The following MAPK10 variants were observed in gnomAD, a reference collection of about 807,000 sequenced individuals.
The protein encoded by MAPK10 is mitogen-activated protein kinase 10, also known as JNK3 alpha protein kinase.
In MAPK10, 25 loss-of-function variants were observed where a neutral mutation model predicts 59.3. That is an observed-to-expected ratio of 0.42 (90% CI 0.31 to 0.59). MAPK10 has a LOEUF of 0.59. Ranked by LOEUF, MAPK10 falls within the 20% of genes least tolerant of loss-of-function variation. MAPK10 has a pLI of 0.15. For missense variants in MAPK10, 351 were observed against 568.9 expected (o/e 0.62, Z 3.90); for synonymous variants, 190 against 200.5 (o/e 0.95, Z 0.44).
At chr4:86,081,671 G>T (rs2050689326) in intron 9 of MAPK10, 1 of 151,954 alleles carries the variant, frequency 6.6e-6, no homozygotes, top group Admixed American at 6.6e-5. Context: ...ATATCCAAGG[G>T]ATTGGTAACA....
chr4:86,135,441 C>T (rs138451300), intron 4 of MAPK10, among the ~76,000 whole-genome samples: 9 of 152,242 alleles, frequency 5.9e-5, no homozygotes, highest in Non-Finnish European at 8.8e-5. Context: ...AAACCTCACA[C>T]GGCAGGGTAC....
chr4:86,072,787 C>T lies in MAPK10; in HGVS notation c.803-4832G>A, dbSNP rs1188916468. Among the ~76,000 whole-genome samples, 3 of 86,618 alleles carry T rather than the reference C, an allele frequency of 3.5e-5. 1 individual carries two copies. Among genetic ancestry groups the T allele is most frequent in the East Asian group, 5.1e-4 (2 of 3,912 alleles). 56.8% of individuals were successfully genotyped at this position (86,618 alleles called of 152,430 possible). On this transcript the variant is annotated intron_variant, in intron 9 of 13. Coordinates refer to ENST00000641462, the MANE Select transcript of MAPK10 (RefSeq NM_138982.4). Reference sequence around the variant, plus strand: ...AAGCTTTTTGATGTGCTGCTGGATTCGGTTTGCCAGTATTTTATTGAGGAT... The same window carrying T: ...AAGCTTTTTGATGTGCTGCTGGATTTGGTTTGCCAGTATTTTATTGAGGAT...
At chr4:86,475,502 G>GT (rs1172303473) in intron 1 of MAPK10, among the ~76,000 whole-genome samples, 1 of 151,538 alleles carries the variant, frequency 6.6e-6, no homozygotes, top group Non-Finnish European at 1.5e-5. Context: ...TCCTTTCCTC[G>GT]TAGAGACAGG....
chr4:86,366,424 TTAAC>T (rs1737909962), intron 1 of MAPK10, among the ~76,000 whole-genome samples: 1 of 152,174 alleles, frequency 6.6e-6, no homozygotes, highest in South Asian at 2.1e-4. Flanking sequence ...TAAAAAATGT[TTAAC>T]TAAATTTCCT....
intron 2 of MAPK10, among the ~76,000 whole-genome samples, chr4:86,323,641 C>T (rs900170011): frequency 3.9e-5 from 6 of 152,114 alleles, no homozygotes; most frequent in African/African-American, 1.4e-4. Context: ...ACTAAAGATA[C>T]ACAAAGTTCC....
At position 86,551,159 on chromosome 4, in the gene MAPK10, T is replaced by C. The variant is rs190978890; in HGVS notation, c.-263+42751A>G. Among the ~76,000 whole-genome samples the C allele has an allele frequency of 4.8e-4, 73 of 152,336 alleles. No homozygotes were observed. In the South Asian group the frequency reaches 7.5e-3, roughly 16 times the overall value. ...CTTCTAATATTTATAGTAAAAAGGA[T>C]GGGTAGTTAACCAAACTGCATATGT... On this transcript the variant is annotated intron_variant, in intron 1 of 4. Coordinates refer to the MAPK10 transcript ENST00000502302.
intron 1 of MAPK10, among the ~76,000 whole-genome samples, chr4:86,481,429 GA>G (rs201596678): frequency 0.32 from 42,576 of 133,000 alleles, 6,648 homozygotes; most frequent in Admixed American, 0.39. Context: ...GAAAGTGGAG[GA>G]AAAAAAAAAA....
chr4:86,168,790 G>C (rs2149252610), intron 3 of MAPK10, among the ~76,000 whole-genome samples: 1 of 152,288 alleles, frequency 6.6e-6, no homozygotes, highest in African/African-American at 2.4e-5. Flanking sequence ...TGACCCCCGA[G>C]CAGCCCAACT....
chr4:86,578,750 G>A (rs935208496), intron 1 of MAPK10, among the ~76,000 whole-genome samples: 2 of 151,628 alleles, frequency 1.3e-5, no homozygotes, highest in African/African-American at 4.9e-5. Flanking sequence ...ATGAAAAGAG[G>A]GAAAAAGTTT....
At chr4:86,559,888 G>A (rs531128477) in intron 1 of MAPK10, among the ~76,000 whole-genome samples, 193 of 149,924 alleles carry the variant, frequency 1.3e-3, no homozygotes, top group African/African-American at 4.7e-3. Flanking sequence ...GCAGTGAGCC[G>A]AGATTGCAAC....
At chr4:86,135,098 G>C (rs574583890) in intron 4 of MAPK10, among the ~76,000 whole-genome samples, 4 of 152,300 alleles carry the variant, frequency 2.6e-5, no homozygotes, top group Non-Finnish European at 5.9e-5. Flanking sequence ...AGGCAGCAGC[G>C]AGGCTGGGGG....
chr4:86,298,994 T>C (rs1468412038), intron 2 of MAPK10, among the ~76,000 whole-genome samples: 1 of 152,198 alleles, frequency 6.6e-6, no homozygotes, highest in African/African-American at 2.4e-5. Context: ...ACCTCTAAAT[T>C]TCTTTTTATA....
chr4:86,280,746 G>A (rs940347568), intron 2 of MAPK10, among the ~76,000 whole-genome samples: 26 of 152,044 alleles, frequency 1.7e-4, no homozygotes, highest in Non-Finnish European at 3.5e-4. Flanking sequence ...TATACACCAT[G>A]GAATACTATG....
intron 2 of MAPK10, among the ~76,000 whole-genome samples, chr4:86,287,052 T>C (rs1003257652): frequency 1.3e-5 from 2 of 152,172 alleles, no homozygotes; most frequent in African/African-American, 4.8e-5. Context: ...GCCATTTCAG[T>C]TCAATGAGGA....
intron 1 of MAPK10, among the ~76,000 whole-genome samples, chr4:86,548,223 T>A (rs553718265): frequency 6.6e-6 from 1 of 151,418 alleles, no homozygotes; most frequent in East Asian, 1.9e-4. Flanking sequence ...CCAGACGCGC[T>A]GCCTTAAGAG....
intron 1 of MAPK10, among the ~76,000 whole-genome samples, chr4:86,587,953 G>C (rs1174634362): frequency 6.6e-6 from 1 of 152,180 alleles, no homozygotes; most frequent in Non-Finnish European, 1.5e-5. Flanking sequence ...GGAGTTTGAG[G>C]CCGCTGTGTA....
intron 2 of MAPK10, among the ~76,000 whole-genome samples, chr4:86,210,067 A>C (rs1459064307): frequency 8.5e-5 from 13 of 152,144 alleles, no homozygotes; most frequent in Admixed American, 8.5e-4. Context: ...AAAACTGGAT[A>C]TCTATATGCA....
chr4:86,214,311 T>C (rs2086732278), intron 2 of MAPK10, among the ~76,000 whole-genome samples: 1 of 151,982 alleles, frequency 6.6e-6, no homozygotes, highest in Non-Finnish European at 1.5e-5. Context: ...GATATTCCTC[T>C]AACATCAGGA....
At chr4:86,349,373 T>C (rs1256532347) in intron 2 of MAPK10, among the ~76,000 whole-genome samples, 1 of 152,200 alleles carries the variant, frequency 6.6e-6, no homozygotes, top group African/African-American at 2.4e-5. Flanking sequence ...TTTCTGTATA[T>C]CAATCTCTTT....
Sources: gnomAD v4.1 joint callset for allele counts (sites outside exome capture counted in the v4.1 genomes callset) on GRCh38, gnomAD v4.1.1 for gene constraint, MANE v1.5 for transcripts, NCBI Gene and HGNC (gene_info 2026-07-23, HGNC 2026-07-21) for gene names.